Variants in CASS4 observed in about 807,000 individuals in gnomAD.
CASS4 encodes the protein cas scaffolding protein family member 4.
In CASS4, 22 loss-of-function variants were observed where a neutral mutation model predicts 54.2. The ratio of observed to expected loss-of-function variants is 0.41; its 90% CI spans 0.29 to 0.58. The LOEUF (loss-of-function observed/expected upper bound fraction) is 0.58. Ranked by LOEUF, CASS4 falls within the 20% of genes least tolerant of loss-of-function variation. The pLI is 0.36. For missense variants in CASS4, 854 were observed against 986.7 expected (o/e 0.87, Z 1.80); for synonymous variants, 409 against 391.5 (o/e 1.04, Z -0.53).
At chr20:56,434,121 A>G (rs2146277884) in intron 1 of CASS4, among the ~76,000 whole-genome samples, 1 of 152,314 alleles carries the variant, frequency 6.6e-6, no homozygotes, top group South Asian at 2.1e-4. Flanking sequence ...GTGCAGTCTC[A>G]TTCACCGTGG....
At chr20:56,429,631 C>A (rs544706504) in intron 1 of CASS4, among the ~76,000 whole-genome samples, 5 of 152,252 alleles carry the variant, frequency 3.3e-5, no homozygotes, top group African/African-American at 1.2e-4. Flanking sequence ...CTCACTCATA[C>A]TCACACACGC....
chr20:56,441,020 G>C (rs1257032858), intron 2 of CASS4, among the ~76,000 whole-genome samples: 1 of 139,846 alleles, frequency 7.2e-6, no homozygotes, highest in East Asian at 2.1e-4. Context: ...GCAGAATCTC[G>C]CTCTGTCACC....
At chr20:56,422,784 G>A (rs1346775845) in intron 1 of CASS4, among the ~76,000 whole-genome samples, 1 of 152,248 alleles carries the variant, frequency 6.6e-6, no homozygotes, top group Non-Finnish European at 1.5e-5. Flanking sequence ...TTCACAGCAT[G>A]TGCCATTCTC....
chr20:56,444,838 C>CG (rs1478814203), intron 2 of CASS4, among the ~76,000 whole-genome samples: 1 of 152,168 alleles, frequency 6.6e-6, no homozygotes, highest in African/African-American at 2.4e-5. Context: ...GGGCCAGGCG[C>CG]GGTGGCTCAC....
chr20:56,457,737 G>T (rs372147245), intron 5 of CASS4, among the ~76,000 whole-genome samples: 36 of 148,834 alleles, frequency 2.4e-4, no homozygotes, highest in Admixed American at 4.8e-4. Flanking sequence ...AATTTAGCTG[G>T]GTGCAGTGGC....
intron 1 of CASS4, among the ~76,000 whole-genome samples, chr20:56,428,461 T>C (rs1272512361): frequency 6.6e-6 from 1 of 152,200 alleles, no homozygotes. Flanking sequence ...AAAGGAAATC[T>C]GGATGGGGTC....
At chr20:56,436,878 C>T (rs563233670) in intron 1 of CASS4, among the ~76,000 whole-genome samples, 2 of 152,028 alleles carry the variant, frequency 1.3e-5, no homozygotes, top group Non-Finnish European at 2.9e-5. Flanking sequence ...CAGAGTGAGA[C>T]CCTGTCTCAA....
At chr20:56,455,612 C>T (rs985760025) in intron 5 of CASS4, among the ~76,000 whole-genome samples, 4 of 152,190 alleles carry the variant, frequency 2.6e-5, no homozygotes, top group Non-Finnish European at 5.9e-5. Context: ...GAGTGTATCA[C>T]AATCACCTAT....
intron 1 of CASS4, among the ~76,000 whole-genome samples, chr20:56,422,497 A>G (rs1979457862): frequency 6.6e-6 from 1 of 152,246 alleles, no homozygotes; most frequent in Non-Finnish European, 1.5e-5. Context: ...TAGAGGAAGT[A>G]TATTAAAGCA....
chr20:56,458,306 A>C (rs1981396765), intron 5 of CASS4, 34 bp from the exon 6 acceptor site: 20 of 1,576,682 alleles, frequency 1.3e-5, no homozygotes, highest in Non-Finnish European at 1.7e-5. Context: ...CATTGATTGA[A>C]TCTCCTATCT....
At chr20:56,450,786 C>T in intron 4 of CASS4, 107 bp downstream of exon 4, 1 of 1,040,842 alleles carries the variant, frequency 9.6e-7, no homozygotes, top group Admixed American at 2.0e-5. Flanking sequence ...GTAATCCCAG[C>T]ACTTTGAGAG....
At chr20:56,455,798 G>A (rs1444233744) in intron 5 of CASS4, among the ~76,000 whole-genome samples, 1 of 152,080 alleles carries the variant, frequency 6.6e-6, no homozygotes, top group Non-Finnish European at 1.5e-5. Context: ...GGGCATGATA[G>A]CGGGCACCTG....
At chr20:56,419,626 T>C (rs1452593590) in intron 1 of CASS4, among the ~76,000 whole-genome samples, 1 of 151,978 alleles carries the variant, frequency 6.6e-6, no homozygotes, top group South Asian at 2.1e-4. Context: ...GGGTTTTTTT[T>C]CACCATGTTG....
intron 1 of CASS4, among the ~76,000 whole-genome samples, chr20:56,428,468 G>A (rs574106873): frequency 6.6e-6 from 1 of 152,216 alleles, no homozygotes; most frequent in African/African-American, 2.4e-5. Context: ...ATCTGGATGG[G>A]GTCTCTAAGA....
intron 1 of CASS4, among the ~76,000 whole-genome samples, chr20:56,431,902 G>T (rs996169245): frequency 6.6e-6 from 1 of 152,082 alleles, no homozygotes; most frequent in African/African-American, 2.4e-5. Flanking sequence ...CTCTGCAAAG[G>T]CTTTTATTTT....
At position 56,430,936 on chromosome 20, in the gene CASS4, C is replaced by G. The variant is rs966033996; in HGVS notation, c.37-6228C>G. On this transcript the variant is annotated intron_variant, in intron 1 of 5. Coordinates refer to ENST00000679887, the MANE Select transcript of CASS4 (RefSeq NM_020356.4). The surrounding 1 kb of genome is among the most constrained non-coding windows in gnomAD (Gnocchi z 4.2). ...GCAAACTGGGAGGCTGATCCTGCCT[C>G]GAAGCCACACTAGGAAGGTGACCTT... Among the ~76,000 whole-genome samples the G allele has an allele frequency of 1.3e-5, 2 of 152,162 alleles. No homozygotes were observed. Among genetic ancestry groups the G allele is most frequent in the African/African-American group, 4.8e-5 (2 of 41,432 alleles).
intron 1 of CASS4, among the ~76,000 whole-genome samples, chr20:56,417,528 T>A (rs886680755): frequency 6.6e-6 from 1 of 152,242 alleles, no homozygotes; most frequent in Admixed American, 6.5e-5. Context: ...CTTTGTTTGT[T>A]CCTCTGTCTT....
chr20:56,421,178 G>C (rs923046513), intron 1 of CASS4, among the ~76,000 whole-genome samples: 2 of 152,216 alleles, frequency 1.3e-5, no homozygotes, highest in Non-Finnish European at 2.9e-5. Context: ...CATGCCAGAG[G>C]ATTTCAAGTG....
intron 2 of CASS4, among the ~76,000 whole-genome samples, chr20:56,443,126 C>T (rs905139643): frequency 7.1e-5 from 10 of 140,570 alleles, no homozygotes; most frequent in African/African-American, 2.3e-4. Context: ...GCCAGTGGTC[C>T]GGGACACTCA....
Sources: gnomAD v4.1 joint callset for allele counts (sites outside exome capture counted in the v4.1 genomes callset) on GRCh38, gnomAD v4.1.1 for gene constraint, Gnocchi (gnomAD v3.1) non-coding constraint, MANE v1.5 for transcripts, NCBI Gene and HGNC (gene_info 2026-07-23, HGNC 2026-07-21) for gene names.